Variants in DSG3 observed in about 807,000 individuals in gnomAD.
The protein encoded by DSG3 is desmoglein-3.
A neutral mutation model predicts 85.9 loss-of-function variants in DSG3; 63 were observed. The observed-to-expected ratio is 0.73, with a 90% CI of 0.60 to 0.90. DSG3 has a LOEUF of 0.90. Ranked by LOEUF, DSG3 falls within the 40% of genes least tolerant of loss-of-function variation. DSG3 has a pLI of 0.00. For synonymous variants in DSG3, 447 were observed against 441.9 expected (o/e 1.01, Z -0.14); for missense variants, 1,220 against 1,219.9 (o/e 1.00, Z 0.00).
chr18:31,474,216 G>A lies in DSG3; in HGVS notation c.2197G>A (p.Gly733Ser). 2.5e-6 allele frequency: 4 copies of A among 1,614,164 alleles called. No individual in the cohort carries two copies. Among genetic ancestry groups the A allele is most frequent in the Non-Finnish European group, 8.5e-7 (1 of 1,180,026 alleles). Residue 733 changes from glycine (G) to serine (S), a missense_variant, in exon 15 of 16, where the codon GGT becomes AGT. Physicochemically the swap from Gly to Ser is moderately conservative, Grantham distance 56. Transcript: ENST00000257189. ...GCTTGGAGCAGCCACTGAATCTGGA[G>A]GTGCTGCAGGCTTTGCAACAGGGAC... ...TKLGAATESG[G>S]AAGFATGTVS...
chr18:31,467,846 C>CA (rs1230151299), intron 11 of DSG3, among the ~76,000 whole-genome samples: 2 of 152,216 alleles, frequency 1.3e-5, no homozygotes, highest in Non-Finnish European at 2.9e-5. Context: ...TCTTGATCTT[C>CA]ATGGTCATCT....
chr18:31,472,903 G>A, intron 14 of DSG3, 115 bp downstream of exon 14: 1 of 886,920 alleles, frequency 1.1e-6, no homozygotes, highest in South Asian at 1.6e-5. Context: ...CATGTCAGGA[G>A]CTGTTACCAC....
At chr18:31,451,410 AG>A (rs932845321) in intron 1 of DSG3, among the ~76,000 whole-genome samples, 13 of 152,334 alleles carry the variant, frequency 8.5e-5, no homozygotes, top group South Asian at 6.2e-4. Context: ...AGTTGGTGGT[AG>A]GAAAAAAAAG....
rs1260140551 is a variant in DSG3, at chr18:31,474,269, A to T, written c.2250A>T (p.Gly750=). The change falls in exon 15 of 16, where the codon GGA becomes GGT. Residue 750 remains glycine (G), a synonymous_variant. Coordinates refer to ENST00000257189, the MANE Select transcript of DSG3 (RefSeq NM_001944.3). ...TGTCAGGAGCTGCTTCAGGATTCGG[A>T]GCAGCCACTGGAGTTGGCATCTGTT... ...GTVSGAASGF[G]AATGVGICSS... 6.2e-7 allele frequency: 1 copy of T among 1,614,056 alleles called. No individual in the cohort carries two copies. Among genetic ancestry groups the T allele is most frequent in the African/African-American group, 1.3e-5 (1 of 74,912 alleles).
In DSG3 at chr18:31,457,022, G is replaced by A; in HGVS notation, c.114G>A (p.Met38Ile). 1 of 1,612,806 alleles carries A rather than the reference G, an allele frequency of 6.2e-7. No homozygotes were observed. The highest frequency in any genetic ancestry group is 8.5e-7 in the Non-Finnish European group (1 of 1,179,370). ...AAGGTCAATATGATGAAGAAGAGAT[G>A]ACTATGCAACAAGCTAAAAGAAGGC... ...ETKGQYDEEE[M>I]TMQQAKRRQK... The change falls in exon 3 of 16, where the codon ATG becomes ATA. Residue 38 changes from methionine to isoleucine, a missense_variant. Coordinates refer to ENST00000257189, the MANE Select transcript of DSG3 (RefSeq NM_001944.3).
In DSG3 at chr18:31,472,385, C is replaced by T. The variant is rs2072861165; in HGVS notation, c.1999C>T (p.His667Tyr). The T allele has an allele frequency of 6.2e-7, 1 of 1,614,052 alleles. No individual in the cohort carries two copies. Among genetic ancestry groups the T allele is most frequent in the African/African-American group, 1.3e-5 (1 of 75,024 alleles). The change falls in exon 13 of 16, where the codon CAT becomes TAT. Residue 667 changes from histidine (H) to tyrosine (Y), a missense_variant. Transcript: ENST00000257189. The part of the protein sequence containing the change: ...PVPDGSEGTI[H>Y]QWGIEGAHPE... ...TCCTGATGGCTCAGAAGGAACAATTCATCAGTGGGGAATTGAAGGAGCCCA... is the reference window on the plus strand; with the variant it reads ...TCCTGATGGCTCAGAAGGAACAATTTATCAGTGGGGAATTGAAGGAGCCCA...
intron 8 of DSG3, among the ~76,000 whole-genome samples, chr18:31,461,947 G>T (rs1314414387): frequency 6.6e-6 from 1 of 152,208 alleles, no homozygotes; most frequent in Non-Finnish European, 1.5e-5. Flanking sequence ...AATATGCTTG[G>T]CTATGACAGA....
At position 31,448,334 on chromosome 18, in the gene DSG3, C is replaced by T. The variant is rs138452633; in HGVS notation, c.48+409C>T. On this transcript the variant is annotated intron_variant, in intron 1 of 15. Transcript: ENST00000257189. ...TTAGCATATAGCTAAGAACTCTACA[C>T]GCCTGGGCTTGATACCTGACACGCT... 2.4e-3 allele frequency among the ~76,000 whole-genome samples: 372 copies of T among 152,276 alleles called. 1 individual carries two copies. Among genetic ancestry groups the T allele is most frequent in the Non-Finnish European group, 3.8e-3 (259 of 68,002 alleles).
chr18:31,462,256 G>A (rs1453261248), intron 8 of DSG3, among the ~76,000 whole-genome samples: 1 of 152,044 alleles, frequency 6.6e-6, no homozygotes, highest in African/African-American at 2.4e-5. Context: ...AGTTTTAGTA[G>A]AAATAAGGTT....
chr18:31,464,993 G>A (rs897341973), intron 9 of DSG3, among the ~76,000 whole-genome samples: 9 of 151,774 alleles, frequency 5.9e-5, no homozygotes, highest in South Asian at 2.1e-4. Flanking sequence ...AAAATTAGCC[G>A]TGGTGGTGCA....
At chr18:31,466,289 C>A (rs1001657407) in intron 10 of DSG3, among the ~76,000 whole-genome samples, 3 of 152,040 alleles carry the variant, frequency 2.0e-5, no homozygotes, top group Non-Finnish European at 4.4e-5. Flanking sequence ...GTCTTGGGTT[C>A]GAGCATATTA....
At chr18:31,467,636 T>C (rs903025632) in intron 11 of DSG3, among the ~76,000 whole-genome samples, 3 of 152,224 alleles carry the variant, frequency 2.0e-5, no homozygotes, top group East Asian at 1.9e-4. Flanking sequence ...AGAAGTGTCA[T>C]AGAAATAGAC....
chr18:31,476,126 A>T lies in DSG3; in HGVS notation c.2866A>T (p.Thr956Ser). 6.2e-7 allele frequency: 1 copy of T among 1,614,054 alleles called. No individual in the cohort carries two copies. The change falls in exon 16 of 16, where the codon ACA (threonine) becomes TCA (serine). Residue 956 changes from threonine (T) to serine (S), a missense_variant. Coordinates refer to ENST00000257189, the MANE Select transcript of DSG3 (RefSeq NM_001944.3). ...PSTAGFDPLLTQNVIVTERVI... is the reference protein window; with the variant it reads ...PSTAGFDPLLSQNVIVTERVI... Reference sequence around the variant, plus strand: ...CACTGCAGGCTTTGATCCACTTCTCACACAAAATGTGATAGTGACAGAAAG... The same window carrying T: ...CACTGCAGGCTTTGATCCACTTCTCTCACAAAATGTGATAGTGACAGAAAG...
chr18:31,450,366 A>G (rs1299218393), intron 1 of DSG3, among the ~76,000 whole-genome samples: 1 of 152,224 alleles, frequency 6.6e-6, no homozygotes, highest in Non-Finnish European at 1.5e-5. Flanking sequence ...GCTTTGGAGA[A>G]TCTGGACATG....
chr18:31,452,468 G>A (rs532975748), intron 1 of DSG3, among the ~76,000 whole-genome samples: 19 of 135,028 alleles, frequency 1.4e-4, no homozygotes, highest in South Asian at 4.9e-4. Flanking sequence ...GCAGTGAGCC[G>A]AGATGGCGCT....
At chr18:31,457,598 TTCTTTCTTTCTTTC>T in intron 3 of DSG3, among the ~76,000 whole-genome samples, 1 of 69,470 alleles carries the variant, frequency 1.4e-5, no homozygotes, top group Non-Finnish European at 2.8e-5. Context: ...CTTTCTTTCT[TTCTTTCTTTCTTTC>T]TTTCTTTCTT....
intron 15 of DSG3, among the ~76,000 whole-genome samples, chr18:31,475,009 A>G (rs1011117685): frequency 8.5e-5 from 13 of 152,206 alleles, no homozygotes; most frequent in Admixed American, 2.0e-4. Flanking sequence ...CTGTCTAAAA[A>G]AGTTGAAGAA....
Position 31,459,190 on chromosome 18 carries a change from C to T in DSG3, c.517+13C>T, listed in dbSNP as rs1260805144. On this transcript the variant is annotated intron_variant, in intron 5 of 15. Coordinates refer to ENST00000257189, the MANE Select transcript of DSG3 (RefSeq NM_001944.3). ...AATAGTGCCTCAAGTAAGTCTTTTA[C>T]AGTACTTACCACTTTCAGTTTATCT... 10 of 1,602,076 alleles carry T rather than the reference C, an allele frequency of 6.2e-6. No homozygotes were observed. The highest frequency in any genetic ancestry group is 2.2e-5 in the East Asian group (1 of 44,748).
At chr18:31,471,442 G>A (rs956073454) in intron 12 of DSG3, among the ~76,000 whole-genome samples, 1 of 152,076 alleles carries the variant, frequency 6.6e-6, no homozygotes, top group South Asian at 2.1e-4. Context: ...TGGTACAGCC[G>A]AAATTTAAAC....
Sources: gnomAD v4.1 joint callset for allele counts (sites outside exome capture counted in the v4.1 genomes callset) on GRCh38, gnomAD v4.1.1 for gene constraint, MANE v1.5 for transcripts, NCBI Gene and HGNC (gene_info 2026-07-23, HGNC 2026-07-21) for gene names.